AK5: variants seen among roughly 807,000 people sequenced by gnomAD.
AK5 encodes the protein adenylate kinase isoenzyme 5.
AK5 carries 27 observed loss-of-function variants against 69.5 expected under a neutral mutation model. The ratio of observed to expected loss-of-function variants is 0.39; its 90% CI spans 0.29 to 0.54. AK5 has a LOEUF of 0.54. Among genes scored for constraint, AK5 ranks in the 20% least tolerant of loss-of-function variants. The pLI is 0.71. For synonymous variants in AK5, 260 were observed against 244.4 expected (o/e 1.06, Z -0.60); for missense variants, 531 against 700.4 (o/e 0.76, Z 2.73).
In AK5 at chr1:77,389,335, G is replaced by C. The variant is rs367832916; in HGVS notation, c.892-21646G>C. Reference sequence around the variant, plus strand: ...ATGTTTGCAAATTCTTGTCCCAAACGCCAGGAAAGAAAGTGGATGAATCAA... The same window carrying C: ...ATGTTTGCAAATTCTTGTCCCAAACCCCAGGAAAGAAAGTGGATGAATCAA... On this transcript the variant is annotated intron_variant, in intron 6 of 13. Coordinates refer to ENST00000354567, the MANE Select transcript of AK5 (RefSeq NM_174858.3). Among the ~76,000 whole-genome samples, 13 of 152,304 alleles carry C rather than the reference G, an allele frequency of 8.5e-5. No homozygotes were observed. In the South Asian group the frequency reaches 2.1e-3, roughly 24 times the overall value.
chr1:77,501,187 G>A (rs1656697423), intron 10 of AK5, among the ~76,000 whole-genome samples: 1 of 152,228 alleles, frequency 6.6e-6, no homozygotes, highest in South Asian at 2.1e-4. Flanking sequence ...GTAGGGCTAT[G>A]CCCCTCGTAG....
intron 6 of AK5, among the ~76,000 whole-genome samples, chr1:77,365,702 G>A (rs1646938352): frequency 6.6e-6 from 1 of 152,176 alleles, no homozygotes; most frequent in Non-Finnish European, 1.5e-5. Context: ...GACAGGAGAT[G>A]GAGCTCAGGC....
chr1:77,428,853 G>A (rs1417983644), intron 8 of AK5, among the ~76,000 whole-genome samples: 1 of 152,020 alleles, frequency 6.6e-6, no homozygotes, highest in African/African-American at 2.4e-5. Context: ...AACATGCGGT[G>A]TTTGGTTTTT....
intron 6 of AK5, among the ~76,000 whole-genome samples, chr1:77,341,117 C>T (rs1214198530): frequency 6.6e-6 from 1 of 152,158 alleles, no homozygotes; most frequent in African/African-American, 2.4e-5. Flanking sequence ...TGATACAATG[C>T]AAATATTAAT....
In AK5 at chr1:77,310,528, C is replaced by T. The variant is rs139731636; in HGVS notation, c.699+12581C>T. The stretch of plus-strand genomic sequence containing the variant: ...CCGAGTAGCTGGGACTACAGGCACT[C>T]GCAACCACGCCCGGCTAATTTTTTT... On this transcript the variant is annotated intron_variant, in intron 5 of 13. Transcript: ENST00000354567. Among the ~76,000 whole-genome samples, 807 of 152,000 alleles carry T rather than the reference C, an allele frequency of 5.3e-3. 13 individuals carry two copies. The highest frequency in any genetic ancestry group is 0.018 in the African/African-American group (744 of 41,406).
chr1:77,546,214 G>C (rs934638616), intron 13 of AK5, among the ~76,000 whole-genome samples: 1 of 152,102 alleles, frequency 6.6e-6, no homozygotes, highest in African/African-American at 2.4e-5. Flanking sequence ...TTCTTCCTCT[G>C]TGGTTGCTAT....
At chr1:77,400,058 G>A (rs1468099312) in intron 6 of AK5, among the ~76,000 whole-genome samples, 1 of 152,186 alleles carries the variant, frequency 6.6e-6, no homozygotes, top group Non-Finnish European at 1.5e-5. Context: ...CATGCATCAT[G>A]CAGAGAAACA....
intron 8 of AK5, among the ~76,000 whole-genome samples, chr1:77,457,102 C>G (rs141287555): frequency 2.0e-5 from 3 of 152,140 alleles, no homozygotes; most frequent in Non-Finnish European, 2.9e-5. Flanking sequence ...TGTGGTCAGG[C>G]GTTGTTCTGA....
In AK5 at chr1:77,518,717, T is replaced by C. The variant is rs766173582; in HGVS notation, c.1301T>C (p.Leu434Pro). ...LIRDIMERGD[L>P]VPSGIVLELL... ...AGAGACATTATGGAACGTGGAGACC[T>C]GGTGCCCTCAGTAAGCAACATGGCC... Residue 434 changes from leucine (L) to proline (P), a missense_variant, in exon 11 of 14, where the codon CTG becomes CCG. Transcript: ENST00000354567. 5.0e-6 allele frequency: 8 copies of C among 1,614,170 alleles called. No individual in the cohort carries two copies. The Admixed American group carries it at 1.3e-4, about 27-fold the overall frequency.
chr1:77,450,567 A>G (rs983654520), intron 8 of AK5, among the ~76,000 whole-genome samples: 6 of 152,098 alleles, frequency 3.9e-5, no homozygotes, highest in African/African-American at 1.4e-4. Flanking sequence ...AATTATCATT[A>G]TCCCCAAGGT....
intron 8 of AK5, among the ~76,000 whole-genome samples, chr1:77,445,909 C>T (rs947388298): frequency 2.0e-5 from 3 of 152,002 alleles, no homozygotes; most frequent in South Asian, 2.1e-4. Context: ...TTTATTGTTT[C>T]GTTCACTGTG....
chr1:77,502,840 G>T (rs1294243935), intron 10 of AK5, among the ~76,000 whole-genome samples: 1 of 152,140 alleles, frequency 6.6e-6, no homozygotes, highest in African/African-American at 2.4e-5. Context: ...TTTTGGAGCT[G>T]CCCAACAATC....
At chr1:77,519,526 G>T (rs1374459511) in intron 11 of AK5, among the ~76,000 whole-genome samples, 1 of 152,188 alleles carries the variant, frequency 6.6e-6, no homozygotes, top group East Asian at 1.9e-4. Context: ...GTGCAAGAAA[G>T]AATTCAGGGC....
intron 7 of AK5, among the ~76,000 whole-genome samples, chr1:77,414,856 T>A (rs986269512): frequency 6.6e-6 from 1 of 152,198 alleles, no homozygotes; most frequent in African/African-American, 2.4e-5. Flanking sequence ...TTTCCCTCTA[T>A]TTTTTGTGTC....
chr1:77,354,626 C>G (rs944268668), intron 6 of AK5, among the ~76,000 whole-genome samples: 1 of 152,220 alleles, frequency 6.6e-6, no homozygotes, highest in African/African-American at 2.4e-5. Context: ...ACAAGAACCT[C>G]TTTAGACTTC....
At chr1:77,320,527 T>A (rs1013701799) in intron 5 of AK5, among the ~76,000 whole-genome samples, 3 of 152,026 alleles carry the variant, frequency 2.0e-5, no homozygotes, top group Non-Finnish European at 4.4e-5. Flanking sequence ...GGCAGGTGGG[T>A]CACCTGAGGT....
intron 5 of AK5, among the ~76,000 whole-genome samples, chr1:77,315,944 A>T (rs1660221551): frequency 6.6e-6 from 1 of 152,204 alleles, no homozygotes; most frequent in South Asian, 2.1e-4. Context: ...GAATGACTGA[A>T]GGAATGGTTT....
Position 77,368,300 on chromosome 1 carries a change from A to ATG in AK5, c.891+27733_891+27734insGT, listed in dbSNP as rs1268455609. On this transcript the variant is annotated intron_variant, in intron 6 of 13. Coordinates refer to ENST00000354567, the MANE Select transcript of AK5 (RefSeq NM_174858.3). The stretch of plus-strand genomic sequence containing the variant: ...TATATATGTTATATATATGTTATAT[A>ATG]TAATATATATGTTATATATAATATA... Among the ~76,000 whole-genome samples the ATG allele has an allele frequency of 2.8e-3, 310 of 112,606 alleles. 3 individuals are homozygous for ATG. The highest frequency in any genetic ancestry group is 0.013 in the East Asian group (48 of 3,612). 73.9% of individuals were successfully genotyped at this position (112,606 alleles called of 152,430 possible).
At chr1:77,459,352 C>A (rs1653690065) in intron 8 of AK5, among the ~76,000 whole-genome samples, 1 of 152,168 alleles carries the variant, frequency 6.6e-6, no homozygotes, top group Non-Finnish European at 1.5e-5. Flanking sequence ...TTCTTTACGT[C>A]CCCTGCTGCA....
Sources: allele counts gnomAD v4.1 joint callset (sites outside exome capture counted in the v4.1 genomes callset), GRCh38; gene constraint gnomAD v4.1.1; transcripts MANE v1.5; gene names NCBI Gene and HGNC (gene_info 2026-07-23, HGNC 2026-07-21).